Variants in FAT3 observed in about 807,000 individuals in gnomAD.
FAT3 encodes the protein FAT atypical cadherin 3.
FAT3 carries 95 observed loss-of-function variants against 310.2 expected under a neutral mutation model. The ratio of observed to expected loss-of-function variants is 0.31; its 90% CI spans 0.26 to 0.36. FAT3 has a LOEUF of 0.36. Among genes scored for constraint, FAT3 ranks in the 10% least tolerant of loss-of-function variants. FAT3 has a pLI of 1.00. For missense variants in FAT3, 5,408 were observed against 5,715.6 expected (o/e 0.95, Z 1.74); for synonymous variants, 2,314 against 2,192.9 (o/e 1.06, Z -1.54).
At chr11:92,362,369 T>C (rs1349268815) in intron 2 of FAT3, among the ~76,000 whole-genome samples, 1 of 152,224 alleles carries the variant, frequency 6.6e-6, no homozygotes, top group Non-Finnish European at 1.5e-5. Flanking sequence ...TTGGGCTAAC[T>C]CTCTCCCATT....
At chr11:92,865,340 A>C (rs756285713) in intron 21 of FAT3, among the ~76,000 whole-genome samples, 10 of 152,180 alleles carry the variant, frequency 6.6e-5, no homozygotes, top group Non-Finnish European at 1.2e-4. Context: ...TTTCACAAGG[A>C]CTGCTTCAGT....
At chr11:92,847,087 C>T (rs1948701500) in intron 19 of FAT3, among the ~76,000 whole-genome samples, 2 of 152,202 alleles carry the variant, frequency 1.3e-5, no homozygotes, top group African/African-American at 4.8e-5. Context: ...AGAACAGGGA[C>T]TCTTCCTTTT....
At chr11:92,808,729 TC>T (rs1947578955) in intron 12 of FAT3, among the ~76,000 whole-genome samples, 1 of 151,964 alleles carries the variant, frequency 6.6e-6, no homozygotes, top group Non-Finnish European at 1.5e-5. Flanking sequence ...ATCAAGACCA[TC>T]CTGGTTAACA....
intron 1 of FAT3, among the ~76,000 whole-genome samples, chr11:92,348,487 T>C (rs1275030337): frequency 1.3e-5 from 2 of 152,342 alleles, no homozygotes; most frequent in African/African-American, 4.8e-5. Context: ...AAAAAGTAAC[T>C]ATCCCCTTAG....
At chr11:92,540,987 T>C (rs534414909) in intron 3 of FAT3, among the ~76,000 whole-genome samples, 92 of 152,294 alleles carry the variant, frequency 6.0e-4, no homozygotes, top group African/African-American at 2.1e-3. Flanking sequence ...AACTGTTCTG[T>C]TGTTATTTTA....
At chr11:92,787,756 G>A (rs891699676) in intron 7 of FAT3, among the ~76,000 whole-genome samples, 2 of 151,226 alleles carry the variant, frequency 1.3e-5, no homozygotes, top group Non-Finnish European at 2.9e-5. Flanking sequence ...AATGATCATA[G>A]TTATAATATA....
intron 21 of FAT3, among the ~76,000 whole-genome samples, chr11:92,863,063 C>G (rs1949159123): frequency 6.6e-6 from 1 of 152,134 alleles, no homozygotes; most frequent in South Asian, 2.1e-4. Context: ...TAATGTATAC[C>G]AAATGGCTAT....
At position 92,414,514 on chromosome 11, in the gene FAT3, T is replaced by A. The variant is rs564857904; in HGVS notation, c.3292+59110T>A. On this transcript the variant is annotated intron_variant, in intron 2 of 27. Transcript: ENST00000525166. ...GTAGTTACTTTTGTAAAATTTTAAA[T>A]GTAGTCTGTCATTTCTTATTTTACT... Among the ~76,000 whole-genome samples, 6 of 152,382 alleles carry A rather than the reference T, an allele frequency of 3.9e-5. No individual in the cohort carries two copies. In the South Asian group the frequency reaches 6.2e-4, roughly 16 times the overall value.
At chr11:92,545,211 G>C (rs540981131) in intron 3 of FAT3, among the ~76,000 whole-genome samples, 1 of 152,162 alleles carries the variant, frequency 6.6e-6, no homozygotes, top group East Asian at 1.9e-4. Context: ...CTTCCTCAGT[G>C]TCACCTCTAA....
chr11:92,892,085 G>T lies in FAT3; in HGVS notation c.*972G>T, dbSNP rs1949927939. The T allele has an allele frequency of 6.6e-6, 1 of 152,168 alleles. No individual in the cohort carries two copies. The highest frequency in any genetic ancestry group is 2.1e-4 in the South Asian group (1 of 4,830). The allele number at this position is 152,168 out of a possible 1,614,324, so 9.4% of individuals were successfully genotyped here. On this transcript the variant is annotated 3_prime_UTR_variant, in exon 28 of 28. Transcript: ENST00000525166. ...ATTCTTCATAATGCAGAGGAAAGGT[G>T]TCTGTTATTCTAAATCGGTAGCATC...
intron 3 of FAT3, among the ~76,000 whole-genome samples, chr11:92,584,511 C>T (rs182034169): frequency 5.9e-4 from 89 of 151,948 alleles, no homozygotes; most frequent in Non-Finnish European, 1.0e-3. Context: ...TCCAAATGCC[C>T]CTTAACTCAT....
At chr11:92,694,294 C>A (rs1246227329) in intron 3 of FAT3, among the ~76,000 whole-genome samples, 1 of 152,162 alleles carries the variant, frequency 6.6e-6, no homozygotes. Context: ...TATTTCATAT[C>A]TATGAAAATA....
intron 2 of FAT3, among the ~76,000 whole-genome samples, chr11:92,514,403 A>G (rs76206511): frequency 0.011 from 1,655 of 152,310 alleles, 27 homozygotes; most frequent in African/African-American, 0.037. Flanking sequence ...GAATTTTGAA[A>G]ATGACATTTT....
At chr11:92,512,142 T>G (rs1953312224) in intron 2 of FAT3, among the ~76,000 whole-genome samples, 1 of 152,158 alleles carries the variant, frequency 6.6e-6, no homozygotes, top group South Asian at 2.1e-4. Flanking sequence ...TTAAAAAAAG[T>G]GCATTGAAGT....
chr11:92,597,065 G>A (rs1030665392), intron 3 of FAT3, among the ~76,000 whole-genome samples: 1 of 152,016 alleles, frequency 6.6e-6, no homozygotes, highest in African/African-American at 2.4e-5. Context: ...CTTGCACACT[G>A]TATTAATGAA....
Position 92,798,018 on chromosome 11 carries a change from C to A in FAT3, c.5005C>A (p.Pro1669Thr), listed in dbSNP as rs1259219506. ...CGTCACCATGTCTGACAATTCTCAC[C>A]CCAAGTTCATTCACAAAGACTACCA... ...ISVTMSDNSH[P>T]KFIHKDYQAE... The change falls in exon 10 of 28, where the codon CCC (proline) becomes ACC (threonine). Residue 1669 changes from proline (P) to threonine (T), a missense_variant. Pro to Thr is a conservative substitution (Grantham distance 38). Around this residue, in one of 5 missense-constraint regions of FAT3, gnomAD observed 4,588 missense variants for 4,809.8 expected, o/e 0.95. Coordinates refer to ENST00000525166, the MANE Select transcript of FAT3 (RefSeq NM_001367949.2). 1.2e-6 allele frequency: 2 copies of A among 1,613,804 alleles called. No individual in the cohort carries two copies. The highest frequency in any genetic ancestry group is 3.3e-5 in the Admixed American group (2 of 60,010).
At chr11:92,420,418 A>T (rs981833932) in intron 2 of FAT3, among the ~76,000 whole-genome samples, 1 of 152,196 alleles carries the variant, frequency 6.6e-6, no homozygotes, top group Admixed American at 6.5e-5. Flanking sequence ...TTGCATGTGG[A>T]TAGCTATGCT....
At chr11:92,227,752 CTTTTT>C (rs151286236) in intron 1 of FAT3, among the ~76,000 whole-genome samples, 2 of 140,550 alleles carry the variant, frequency 1.4e-5, no homozygotes, top group Non-Finnish European at 3.1e-5. Flanking sequence ...CTTTCTTCTT[CTTTTT>C]TTTTTTTTTC....
In FAT3 at chr11:92,894,226, T is replaced by G. The variant is rs185898510; in HGVS notation, c.*3113T>G. The G allele has an allele frequency of 3.3e-5, 5 of 152,256 alleles. No individual in the cohort carries two copies. Among genetic ancestry groups the G allele is most frequent in the Non-Finnish European group, 5.9e-5 (4 of 68,044 alleles). The allele number at this position is 152,256 out of a possible 1,614,324, so 9.4% of individuals were successfully genotyped here. On this transcript the variant is annotated 3_prime_UTR_variant, in exon 28 of 28. Coordinates refer to ENST00000525166, the MANE Select transcript of FAT3 (RefSeq NM_001367949.2). Reference sequence around the variant, plus strand: ...TAGAATTCATACATTTCTGTAGACATTCATCGAAATGCTGCTTTTGCCAAA... The same window carrying G: ...TAGAATTCATACATTTCTGTAGACAGTCATCGAAATGCTGCTTTTGCCAAA...
Sources: allele counts gnomAD v4.1 joint callset (sites outside exome capture counted in the v4.1 genomes callset), GRCh38; gene constraint gnomAD v4.1.1; regional missense constraint gnomAD v4.1.1; transcripts MANE v1.5; gene names NCBI Gene and HGNC (gene_info 2026-07-23, HGNC 2026-07-21).